The following SLC24A2 variants were observed in gnomAD, a reference collection of about 807,000 sequenced individuals.
The protein encoded by SLC24A2 is solute carrier family 24 member 2.
In SLC24A2, 36 loss-of-function variants were observed where a neutral mutation model predicts 62.0. The ratio of observed to expected loss-of-function variants is 0.58; its 90% CI spans 0.44 to 0.77. The LOEUF (loss-of-function observed/expected upper bound fraction) is 0.77, where lower values mean the gene tolerates loss of function less well. Ranked by LOEUF, SLC24A2 falls within the 30% of genes least tolerant of loss-of-function variation. SLC24A2 has a pLI of 0.00. For synonymous variants in SLC24A2, 358 were observed against 294.0 expected (o/e 1.22, Z -2.23); for missense variants, 846 against 817.9 (o/e 1.03, Z -0.42).
At chr9:19,945,813 G>A in the SLC24A2 span, among the ~76,000 whole-genome samples, 2 of 152,200 alleles carry the variant, frequency 1.3e-5, no homozygotes, top group Admixed American at 1.3e-4. Context: ...ATTACAGTGT[G>A]AATAAACTGG....
At chr9:19,674,951 G>A (rs1252873588) in intron 2 of SLC24A2, among the ~76,000 whole-genome samples, 3 of 152,132 alleles carry the variant, frequency 2.0e-5, no homozygotes, top group Non-Finnish European at 4.4e-5. Flanking sequence ...ATATTACCAG[G>A]ATTGTTTTTC....
intron 2 of SLC24A2, among the ~76,000 whole-genome samples, chr9:19,724,365 A>T (rs1433481812): frequency 1.3e-5 from 2 of 152,192 alleles, no homozygotes; most frequent in East Asian, 1.9e-4. Flanking sequence ...AACATGACAC[A>T]ATAAGAGCAA....
chr9:19,895,121 A>C, the SLC24A2 span, among the ~76,000 whole-genome samples: 1 of 152,242 alleles, frequency 6.6e-6, no homozygotes, highest in South Asian at 2.1e-4. Flanking sequence ...AGCAAGAGCC[A>C]CTGGCACGGT....
At chr9:19,562,083 T>C (rs1184359867) in intron 7 of SLC24A2, among the ~76,000 whole-genome samples, 7 of 152,206 alleles carry the variant, frequency 4.6e-5, no homozygotes, top group Admixed American at 4.6e-4. Context: ...CTTTGCATTT[T>C]GCTCCAACGA....
the SLC24A2 span, among the ~76,000 whole-genome samples, chr9:20,217,072 C>T: frequency 3.9e-5 from 6 of 152,010 alleles, no homozygotes; most frequent in Non-Finnish European, 7.4e-5. Flanking sequence ...AATGCAATGC[C>T]CATCACCAAT....
At chr9:20,182,409 G>A in the SLC24A2 span, among the ~76,000 whole-genome samples, 1 of 152,202 alleles carries the variant, frequency 6.6e-6, no homozygotes, top group Non-Finnish European at 1.5e-5. Flanking sequence ...TGATAGACTG[G>A]ATAAAGAAAA....
intron 6 of SLC24A2, 58 bp from the exon 7 acceptor site, chr9:19,573,527 CACAG>C (rs1021687019): frequency 2.5e-5 from 9 of 365,878 alleles, no homozygotes; most frequent in African/African-American, 1.2e-4. Flanking sequence ...CACACACACA[CACAG>C]AGAGAGAGAG....
the SLC24A2 span, among the ~76,000 whole-genome samples, chr9:20,264,409 C>T: frequency 1.3e-5 from 2 of 152,220 alleles, no homozygotes; most frequent in East Asian, 1.9e-4. Flanking sequence ...GCTGCCCCTG[C>T]TTCATGTGTT....
the SLC24A2 span, among the ~76,000 whole-genome samples, chr9:20,185,794 T>G: frequency 6.6e-6 from 1 of 152,106 alleles, no homozygotes; most frequent in Non-Finnish European, 1.5e-5. Flanking sequence ...CTAAAGTTTG[T>G]AGAGACTGGA....
chr9:20,226,772 T>C, the SLC24A2 span, among the ~76,000 whole-genome samples: 9 of 152,200 alleles, frequency 5.9e-5, no homozygotes, highest in East Asian at 3.9e-4. Flanking sequence ...TGTTTACATA[T>C]TGCATGGGCC....
At chr9:19,523,926 G>C (rs563833511) in intron 9 of SLC24A2, among the ~76,000 whole-genome samples, 1 of 152,118 alleles carries the variant, frequency 6.6e-6, no homozygotes, top group Admixed American at 6.6e-5. Flanking sequence ...TGGTGAATCT[G>C]TGTGGCTCTA....
chr9:20,263,346 G>A, the SLC24A2 span, among the ~76,000 whole-genome samples: 2 of 152,060 alleles, frequency 1.3e-5, no homozygotes, highest in East Asian at 1.9e-4. Context: ...TCACCTCCTG[G>A]GTTCAAGCAA....
chr9:19,684,696 C>A (rs1819827412), intron 2 of SLC24A2, among the ~76,000 whole-genome samples: 1 of 137,108 alleles, frequency 7.3e-6, no homozygotes, highest in African/African-American at 2.5e-5. Flanking sequence ...ATATAAGAAA[C>A]CTGGAAAACG....
chr9:19,860,241 T>A, the SLC24A2 span, among the ~76,000 whole-genome samples: 1 of 152,058 alleles, frequency 6.6e-6, no homozygotes, highest in Non-Finnish European at 1.5e-5. Flanking sequence ...TTATTTTACA[T>A]CTTGGATACC....
intron 4 of SLC24A2, among the ~76,000 whole-genome samples, chr9:19,617,720 G>C (rs959473349): frequency 6.6e-6 from 1 of 152,202 alleles, no homozygotes; most frequent in Non-Finnish European, 1.5e-5. Context: ...CTGACTTTGA[G>C]GGGGGCTCCT....
chr9:19,533,585 G>C (rs1833809502), intron 8 of SLC24A2, among the ~76,000 whole-genome samples: 1 of 152,208 alleles, frequency 6.6e-6, no homozygotes, highest in Non-Finnish European at 1.5e-5. Context: ...GTCCAGGCTA[G>C]CCTGCTTTGA....
the SLC24A2 span, among the ~76,000 whole-genome samples, chr9:19,933,404 A>C: frequency 1.3e-5 from 2 of 152,190 alleles, no homozygotes; most frequent in Non-Finnish European, 2.9e-5. Flanking sequence ...TATTGCTCTT[A>C]ATAAAGTATA....
rs1003658905 is a variant in SLC24A2, at chr9:19,533,824, T to C, written c.1480-5686A>G. On this transcript the variant is annotated intron_variant, in intron 8 of 10. Transcript: ENST00000341998. ...AAAAGATAACTGATACAAGGTCAAA[T>C]CTAACAAAAATCTTCTAACTAAGCA... Among the ~76,000 whole-genome samples, 5 of 152,332 alleles carry C rather than the reference T, an allele frequency of 3.3e-5. No individual in the cohort carries two copies. In the East Asian group the frequency reaches 7.7e-4, roughly 23 times the overall value.
At chr9:20,094,458 C>G in the SLC24A2 span, among the ~76,000 whole-genome samples, 1 of 152,116 alleles carries the variant, frequency 6.6e-6, no homozygotes, top group Admixed American at 6.5e-5. Context: ...ATGTGAAAAA[C>G]AGAATTTTGG....
Sources: gnomAD v4.1 joint callset for allele counts (sites outside exome capture counted in the v4.1 genomes callset) on GRCh38, gnomAD v4.1.1 for gene constraint, MANE v1.5 for transcripts, NCBI Gene and HGNC (gene_info 2026-07-23, HGNC 2026-07-21) for gene names.